SEMA5B: variants seen among roughly 807,000 people sequenced by gnomAD.
SEMA5B encodes the protein semaphorin 5B.
Under a neutral mutation model 135.0 loss-of-function variants are expected in SEMA5B, and 66 were observed. That is an observed-to-expected ratio of 0.49 (90% confidence interval 0.40 to 0.60). SEMA5B has a LOEUF of 0.60. Ranked by LOEUF, SEMA5B falls within the 20% of genes least tolerant of loss-of-function variation. The probability of loss-of-function intolerance (pLI) is 0.00; values close to 1 mark genes in which losing one functional copy is unlikely to be tolerated. For missense variants in SEMA5B, 1,501 were observed against 1,566.3 expected (o/e 0.96, Z 0.70); for synonymous variants, 690 against 639.5 (o/e 1.08, Z -1.19).
At chr3:122,923,485 C>T (rs1030520951) in intron 10 of SEMA5B, 132 bp downstream of exon 10, 5 of 1,004,654 alleles carry the variant, frequency 5.0e-6, no homozygotes, top group African/African-American at 4.7e-5. Flanking sequence ...TTGTGGACCC[C>T]AGAGATGGGC....
chr3:123,023,962 A>C (rs1942746449), intron 1 of SEMA5B, among the ~76,000 whole-genome samples: 1 of 152,220 alleles, frequency 6.6e-6, no homozygotes, highest in African/African-American at 2.4e-5. Flanking sequence ...GATCATGGGA[A>C]ACATCTGTCT....
At chr3:122,910,716 A>G (rs1380978592) in intron 22 of SEMA5B, 124 bp downstream of exon 22, 11 of 727,906 alleles carry the variant, frequency 1.5e-5, no homozygotes, top group Non-Finnish European at 2.1e-5. Flanking sequence ...AGGCTGAGGC[A>G]GGAGAATGGC....
chr3:122,984,405 A>G (rs1941629478), intron 1 of SEMA5B, among the ~76,000 whole-genome samples: 2 of 152,204 alleles, frequency 1.3e-5, no homozygotes, highest in Admixed American at 1.3e-4. Flanking sequence ...TGGGTTTGCC[A>G]CTAAAACCCC....
At chr3:122,976,190 C>T (rs1941315028) in intron 1 of SEMA5B, 1 of 1,510,568 alleles carries the variant, frequency 6.6e-7, no homozygotes, top group African/African-American at 1.4e-5. Flanking sequence ...AAGTGCTTCT[C>T]AAAATGTGCT....
chr3:122,918,414 C>T (rs1938183514), intron 12 of SEMA5B, among the ~76,000 whole-genome samples: 1 of 152,188 alleles, frequency 6.6e-6, no homozygotes, highest in Non-Finnish European at 1.5e-5. Flanking sequence ...GCTTTTTGGA[C>T]TGGAATAGGC....
chr3:122,913,413 C>T lies in SEMA5B; in HGVS notation c.2292G>A (p.Thr764=), dbSNP rs768938119. 2 of 1,570,664 alleles carry T rather than the reference C, an allele frequency of 1.3e-6. No homozygotes were observed. Among genetic ancestry groups the T allele is most frequent in the South Asian group, 1.1e-5 (1 of 88,072 alleles). ...SCLGCGVEFK[T]CNPEGCPEVR... ...CTTCGGGGCAGCCCTCGGGGTTGCACGTCTTGAACTCCTGCGGGTGGCGGC... is the reference window on the plus strand; with the variant it reads ...CTTCGGGGCAGCCCTCGGGGTTGCATGTCTTGAACTCCTGCGGGTGGCGGC... Residue 764 remains threonine, a synonymous_variant, in exon 17 of 23, where the codon ACG becomes ACA. Coordinates refer to ENST00000357599, the MANE Select transcript of SEMA5B (RefSeq NM_001031702.4).
At chr3:122,980,088 A>T (rs1010602420) in intron 1 of SEMA5B, among the ~76,000 whole-genome samples, 3 of 152,158 alleles carry the variant, frequency 2.0e-5, no homozygotes, top group Non-Finnish European at 4.4e-5. Context: ...CTTCTGTTTC[A>T]TTCTTAAGCC....
At chr3:123,025,165 T>C (rs1239467897) in intron 1 of SEMA5B, among the ~76,000 whole-genome samples, 1 of 152,234 alleles carries the variant, frequency 6.6e-6, no homozygotes, top group Non-Finnish European at 1.5e-5. Context: ...AGTCTGGCAC[T>C]AGAAGTGGTA....
intron 14 of SEMA5B, among the ~76,000 whole-genome samples, chr3:122,915,130 T>A (rs1267292507): frequency 6.6e-6 from 1 of 152,200 alleles, no homozygotes; most frequent in African/African-American, 2.4e-5. Flanking sequence ...CATCATCCCA[T>A]GCTGTTCCTC....
At position 122,922,092 on chromosome 3, in the gene SEMA5B, G is replaced by A. The variant is rs374056249; in HGVS notation, c.1511C>T (p.Thr504Met). Residue 504 changes from threonine to methionine, a missense_variant, in exon 12 of 23, where the codon ACG (threonine) becomes ATG (methionine). Thr to Met is a moderately conservative substitution (Grantham distance 81, BLOSUM62 -1). This residue lies in a region of SEMA5B where 574 missense variants were observed against 684.7 expected (regional missense o/e 0.84). Transcript: ENST00000357599. The stretch of plus-strand genomic sequence containing the variant: ...GCAGCCGTGGAGGCTGCGGCTCGCC[G>A]TGGACAGCGCCTTCAGGATGGTGCC... ...ESGTILKALSTASRSLHGCYL... is the reference protein window; with the variant it reads ...ESGTILKALSMASRSLHGCYL... The A allele has an allele frequency of 5.0e-5, 75 of 1,494,080 alleles. No individual in the cohort carries two copies. Among genetic ancestry groups the A allele is most frequent in the Non-Finnish European group, 3.9e-5 (44 of 1,119,158 alleles). 92.6% of individuals were successfully genotyped at this position (1,494,080 alleles called of 1,614,324 possible).
Position 122,913,209 on chromosome 3 carries a change from G to T in SEMA5B, c.2496C>A (p.Cys832Ter). ...RTCPADGSGSCDTDALVEVLL... is the reference protein window; with the variant it reads ...RTCPADGSGS ...CCGGGCGCGGGGTACCGTCGGTGTCGCAGGAGCCGGAGCCGTCCGCGGGAC... is the reference window on the plus strand; with the variant it reads ...CCGGGCGCGGGGTACCGTCGGTGTCTCAGGAGCCGGAGCCGTCCGCGGGAC... The change falls in exon 17 of 23, where the codon TGC becomes TGA. Residue 832 changes from cysteine to a stop codon, truncating the protein, a stop_gained. Coordinates refer to ENST00000357599, the MANE Select transcript of SEMA5B (RefSeq NM_001031702.4). LOFTEE classifies it high-confidence loss of function. 6.4e-7 allele frequency: 1 copy of T among 1,565,288 alleles called. No individual in the cohort carries two copies. Among genetic ancestry groups the T allele is most frequent in the Non-Finnish European group, 8.6e-7 (1 of 1,165,288 alleles).
At chr3:122,992,100 G>T (rs1576396182) in intron 1 of SEMA5B, among the ~76,000 whole-genome samples, 1 of 152,280 alleles carries the variant, frequency 6.6e-6, no homozygotes, top group East Asian at 1.9e-4. Flanking sequence ...ATAACAGAGG[G>T]TCCCTGGGTC....
rs192169250 is a variant in SEMA5B at position 122,951,521 on chromosome 3, C to T, written c.125-2812G>A. Among the ~76,000 whole-genome samples, 459 of 152,314 alleles carry T rather than the reference C, an allele frequency of 3.0e-3. 2 individuals are homozygous for T. Among genetic ancestry groups the T allele is most frequent in the African/African-American group, 0.01 (431 of 41,570 alleles). On this transcript the variant is annotated intron_variant, in intron 2 of 22. Transcript: ENST00000357599. ...AAGCCCTAACATTTGTCTAACTTGTCGCCTTCCACCTCCTCTCTCCTTCGC... is the reference window on the plus strand; with the variant it reads ...AAGCCCTAACATTTGTCTAACTTGTTGCCTTCCACCTCCTCTCTCCTTCGC...
intron 20 of SEMA5B, 40 bp from the exon 21 acceptor site, chr3:122,911,575 C>T (rs752472323): frequency 7.5e-5 from 119 of 1,590,692 alleles, no homozygotes; most frequent in Admixed American, 1.7e-4. Context: ...GGGGCGGAGA[C>T]GAGAGGAGGG....
intron 1 of SEMA5B, among the ~76,000 whole-genome samples, chr3:123,003,701 G>T (rs563439031): frequency 6.6e-6 from 1 of 152,304 alleles, no homozygotes; most frequent in African/African-American, 2.4e-5. Flanking sequence ...AGGCACAGTG[G>T]CAGGCGCCTG....
chr3:122,924,928 C>CTTGT (rs1329966028), intron 9 of SEMA5B, among the ~76,000 whole-genome samples: 1 of 152,186 alleles, frequency 6.6e-6, no homozygotes, highest in East Asian at 1.9e-4. Flanking sequence ...ATCCATCACC[C>CTTGT]TGTTTAAGCT....
At chr3:122,940,617 G>A (rs1232275610) in intron 4 of SEMA5B, among the ~76,000 whole-genome samples, 1 of 152,252 alleles carries the variant, frequency 6.6e-6, no homozygotes, top group Non-Finnish European at 1.5e-5. Context: ...GCTGTGGAGT[G>A]GGACCGGAAG....
chr3:123,021,308 G>A (rs1250024580), intron 1 of SEMA5B, among the ~76,000 whole-genome samples: 1 of 152,244 alleles, frequency 6.6e-6, no homozygotes, highest in East Asian at 1.9e-4. Flanking sequence ...TGCTTTGAGT[G>A]GATGAGGCCT....
intron 1 of SEMA5B, among the ~76,000 whole-genome samples, chr3:122,978,215 G>A (rs1329327424): frequency 6.6e-6 from 1 of 152,258 alleles, no homozygotes; most frequent in Non-Finnish European, 1.5e-5. Context: ...GGGCCCCAGG[G>A]TGCCCTTCTC....
Sources: gnomAD v4.1 joint callset for allele counts (sites outside exome capture counted in the v4.1 genomes callset) on GRCh38, gnomAD v4.1.1 for gene constraint, gnomAD v4.1.1 regional missense constraint, MANE v1.5 for transcripts, NCBI Gene and HGNC (gene_info 2026-07-23, HGNC 2026-07-21) for gene names.